OR10R2: variants seen among roughly 807,000 people sequenced by gnomAD.
OR10R2 encodes the protein olfactory receptor 10R2.
OR10R2 carries 1 observed loss-of-function variant against 2.4 expected under a neutral mutation model. The ratio of observed to expected loss-of-function variants is 0.41; its 90% CI spans 0.15 to 1.95. The LOEUF is 1.95. OR10R2 is among the 30% of genes most tolerant of loss of function. The pLI is 0.30. For synonymous variants in OR10R2, 166 were observed against 144.8 expected (o/e 1.15, Z -1.05); for missense variants, 419 against 373.0 (o/e 1.12, Z -1.01).
chr1:158,479,113 A>G (rs1421151795), intron 1 of OR10R2, among the ~76,000 whole-genome samples: 1 of 152,188 alleles, frequency 6.6e-6, no homozygotes, highest in Non-Finnish European at 1.5e-5. Context: ...AGAAACACTT[A>G]AAGATCCTAG....
chr1:158,480,062 A>T, exon 2 of OR10R2: 1 of 1,613,906 alleles, frequency 6.2e-7, no homozygotes, highest in Non-Finnish European at 8.5e-7. Flanking sequence ...CTTAGTGGCA[A>T]TGTCACCATT....
intron 1 of OR10R2, among the ~76,000 whole-genome samples, chr1:158,474,929 A>G (rs1326920902): frequency 6.6e-6 from 1 of 152,180 alleles, no homozygotes; most frequent in East Asian, 1.9e-4. Context: ...TATAAGACAA[A>G]GAGACCAGCA....
At chr1:158,479,295 A>C (rs1656330580) in intron 1 of OR10R2, among the ~76,000 whole-genome samples, 1 of 152,148 alleles carries the variant, frequency 6.6e-6, no homozygotes, top group Non-Finnish European at 1.5e-5. Context: ...AATTATGTTG[A>C]CTACATAGAC....
At chr1:158,476,286 G>T (rs939206052) in intron 1 of OR10R2, among the ~76,000 whole-genome samples, 10 of 151,996 alleles carry the variant, frequency 6.6e-5, no homozygotes, top group Non-Finnish European at 1.5e-4. Context: ...AGTGGTTCAT[G>T]CCTGTAACCC....
At chr1:158,480,023 T>C (rs1437203513) in exon 2 of OR10R2, 2 of 1,614,052 alleles carry the variant, frequency 1.2e-6, no homozygotes, top group Admixed American at 3.3e-5. Context: ...GCCCTCTTTG[T>C]AGTTTTTCTT....
At chr1:158,475,388 T>C (rs1305478623) in intron 1 of OR10R2, among the ~76,000 whole-genome samples, 1 of 152,070 alleles carries the variant, frequency 6.6e-6, no homozygotes, top group Non-Finnish European at 1.5e-5. Context: ...CAAATTATAA[T>C]CTTATTAGTA....
rs755657987 is a variant in OR10R2, at chr1:158,479,930, C to G, written c.28-8C>G. 22 of 1,613,776 alleles carry G rather than the reference C, an allele frequency of 1.4e-5. No homozygotes were observed. The South Asian group carries it at 2.4e-4, about 18-fold the overall frequency. ...CTGAATATGTTTTACTTCTTTCCCCCTTTGCAGATCTTGGCAGAAAACCTC... is the reference window on the plus strand; with the variant it reads ...CTGAATATGTTTTACTTCTTTCCCCGTTTGCAGATCTTGGCAGAAAACCTC... On this transcript the variant is annotated splice_polypyrimidine_tract_variant and splice_region_variant and intron_variant, in intron 1 of 1. Coordinates refer to ENST00000641067, the Ensembl canonical transcript of OR10R2.
At chr1:158,479,975 T>C (rs775317722) in exon 2 of OR10R2, 1 of 1,613,954 alleles carries the variant, frequency 6.2e-7, no homozygotes, top group East Asian at 2.2e-5. Context: ...ACCGAATTCC[T>C]GTTGCTGGGT....
chr1:158,473,817 CCTTCCCTCTTTCCCTCTCTG>C (rs1656211917), intron 1 of OR10R2, among the ~76,000 whole-genome samples: 2 of 137,036 alleles, frequency 1.5e-5, no homozygotes, highest in East Asian at 2.2e-4. Context: ...CTTCCTCCCT[CCTTCCCTCTTTCCCTCTCTG>C]CTTCCTCCCT....
chr1:158,479,021 T>G (rs1656324787), intron 1 of OR10R2, among the ~76,000 whole-genome samples: 1 of 152,160 alleles, frequency 6.6e-6, no homozygotes, highest in Non-Finnish European at 1.5e-5. Context: ...ACTAGAGTGG[T>G]AAACTTTATC....
intron 1 of OR10R2, among the ~76,000 whole-genome samples, chr1:158,478,308 G>T (rs927925139): frequency 6.6e-6 from 1 of 152,124 alleles, no homozygotes; most frequent in Non-Finnish European, 1.5e-5. Flanking sequence ...TCATAAGTGG[G>T]AGCTAATTAA....
intron 1 of OR10R2, among the ~76,000 whole-genome samples, chr1:158,479,707 A>C (rs534563130): frequency 6.6e-6 from 1 of 152,208 alleles, no homozygotes; most frequent in African/African-American, 2.4e-5. Context: ...AGGGTTCTTA[A>C]AATTGGGAGA....
chr1:158,480,867 T>C (rs1389049563), exon 2 of OR10R2: 5 of 1,415,906 alleles, frequency 3.5e-6, no homozygotes, highest in Non-Finnish European at 3.9e-6. Context: ...AGAAAGGTTC[T>C]CTAAAACTAT....
At chr1:158,479,304 A>T (rs1177684636) in intron 1 of OR10R2, among the ~76,000 whole-genome samples, 6 of 152,136 alleles carry the variant, frequency 3.9e-5, no homozygotes, top group African/African-American at 9.6e-5. Flanking sequence ...GACTACATAG[A>T]CCAATTTGGT....
intron 1 of OR10R2, among the ~76,000 whole-genome samples, chr1:158,473,120 A>T (rs141588330): frequency 1.9e-3 from 286 of 152,326 alleles, no homozygotes; most frequent in Middle Eastern, 6.8e-3. Context: ...TTTACCAACT[A>T]CATGAAAAAT....
exon 2 of OR10R2, chr1:158,480,933 C>T (rs1010621965): frequency 1.2e-6 from 1 of 867,998 alleles, no homozygotes; most frequent in Non-Finnish European, 1.7e-6. Flanking sequence ...CTTTTTATCA[C>T]AAGCATATTA....
rs114379483 is a variant in OR10R2, at chr1:158,478,009, A to G, written c.28-1929A>G. Among the ~76,000 whole-genome samples the G allele has an allele frequency of 6.2e-3, 946 of 152,276 alleles. 11 individuals are homozygous for G. Among genetic ancestry groups the G allele is most frequent in the African/African-American group, 0.022 (918 of 41,552 alleles). On this transcript the variant is annotated intron_variant, in intron 1 of 1. Transcript: ENST00000641067. ...AACTAAGAAAGCAAGCTGCACACCT[A>G]CAACCATCTGATCTTCAACAAGGCT... is the stretch of plus-strand genomic sequence containing the variant.
chr1:158,472,401 G>A (rs1656182606), intron 1 of OR10R2, 49 bp downstream of exon 1: 2 of 398,870 alleles, frequency 5.0e-6, no homozygotes, highest in Admixed American at 4.4e-5. Context: ...CTAGCAGGAA[G>A]ATGTGTAATA....
rs1388100550 is a variant in OR10R2 at position 158,480,851 on chromosome 1, TG to T, written c.944del (p.Gly315AlafsTer6). On this transcript the variant is annotated frameshift_variant, in exon 2 of 2. Transcript: ENST00000641067. LOFTEE classifies it high-confidence loss of function. ...GTCCAACTTGCTATCAGAAAAGTGTTGGGCAAGAAAGGTTCTCTAAAACTAT... is the reference window on the plus strand; with the variant it reads ...GTCCAACTTGCTATCAGAAAAGTGTTGGCAAGAAAGGTTCTCTAAAACTAT... 1.3e-6 allele frequency: 2 copies of T among 1,571,646 alleles called. No individual in the cohort carries two copies. Among genetic ancestry groups the T allele is most frequent in the South Asian group, 2.3e-5 (2 of 85,546 alleles).
Sources: gnomAD v4.1 joint callset for allele counts (sites outside exome capture counted in the v4.1 genomes callset) on GRCh38, gnomAD v4.1.1 for gene constraint, MANE v1.5 for transcripts, NCBI Gene and HGNC (gene_info 2026-07-23, HGNC 2026-07-21) for gene names.